Variants in DNAAF11 observed in about 807,000 individuals in gnomAD.
DNAAF11 encodes the protein dynein axonemal assembly factor 11, also known as leucine rich repeat containing 6.
In DNAAF11, 45 loss-of-function variants were observed where a neutral mutation model predicts 60.8. That is an observed-to-expected ratio of 0.74 (90% confidence interval 0.58 to 0.95). DNAAF11 has a LOEUF of 0.95. Ranked by LOEUF, DNAAF11 falls within the 40% of genes least tolerant of loss-of-function variation. The pLI is 0.00. For synonymous variants in DNAAF11, 191 were observed against 183.5 expected (o/e 1.04, Z -0.33); for missense variants, 546 against 546.2 (o/e 1.00, Z 0.00).
chr8:132,578,232 T>C (rs1408546160), intron 11 of DNAAF11, among the ~76,000 whole-genome samples: 1 of 152,158 alleles, frequency 6.6e-6, no homozygotes, highest in Non-Finnish European at 1.5e-5. Context: ...TGAACTTAGC[T>C]AGTACATTGT....
At position 132,607,365 on chromosome 8, in the gene DNAAF11, C is replaced by T. The variant is rs116697122; in HGVS notation, c.1140+2801G>A. On this transcript the variant is annotated intron_variant, in intron 10 of 11. Transcript: ENST00000620350. The stretch of plus-strand genomic sequence containing the variant: ...ATTACAGCAATCTGTAGTATGCCAT[C>T]GACCCAGTGGTGAGTGTTGGGAAGC... Among the ~76,000 whole-genome samples, 628 of 152,232 alleles carry T rather than the reference C, an allele frequency of 4.1e-3. 2 individuals are homozygous for T. The highest frequency in any genetic ancestry group is 0.014 in the African/African-American group (592 of 41,532).
At chr8:132,646,146 A>C (rs1354655441) in intron 3 of DNAAF11, among the ~76,000 whole-genome samples, 2 of 152,218 alleles carry the variant, frequency 1.3e-5, no homozygotes, top group Non-Finnish European at 2.9e-5. Context: ...TCTCAGTAGA[A>C]ACTCTACAAG....
intron 10 of DNAAF11, among the ~76,000 whole-genome samples, chr8:132,584,281 C>T (rs1439390880): frequency 6.6e-6 from 1 of 152,122 alleles, no homozygotes; most frequent in African/African-American, 2.4e-5. Context: ...TCCTATAATT[C>T]TAATACTTTT....
At chr8:132,658,654 G>A (rs898256199) in intron 2 of DNAAF11, among the ~76,000 whole-genome samples, 1 of 152,186 alleles carries the variant, frequency 6.6e-6, no homozygotes, top group African/African-American at 2.4e-5. Flanking sequence ...AGAACTATGA[G>A]AGTCTCGTCC....
At chr8:132,663,073 T>G (rs925834759) in intron 1 of DNAAF11, among the ~76,000 whole-genome samples, 9 of 152,208 alleles carry the variant, frequency 5.9e-5, no homozygotes, top group Admixed American at 4.6e-4. Flanking sequence ...AAGTCCTTGC[T>G]GCTCTAAGCT....
chr8:132,688,844 A>G, the DNAAF11 span, among the ~76,000 whole-genome samples: 4 of 152,204 alleles, frequency 2.6e-5, no homozygotes, highest in African/African-American at 4.8e-5. Context: ...ACTAACTTGC[A>G]ACTGACAGAT....
At chr8:132,606,005 T>C (rs1387863933) in intron 10 of DNAAF11, among the ~76,000 whole-genome samples, 2 of 151,836 alleles carry the variant, frequency 1.3e-5, no homozygotes, top group Non-Finnish European at 2.9e-5. Flanking sequence ...ATGGGAAGAG[T>C]AACTTGGTCT....
chr8:132,630,967 T>C (rs889127572), intron 5 of DNAAF11, among the ~76,000 whole-genome samples: 1 of 152,216 alleles, frequency 6.6e-6, no homozygotes, highest in Admixed American at 6.5e-5. Flanking sequence ...GAAAACAATT[T>C]GGCAATATGT....
chr8:132,667,795 T>C (rs1824777749), intron 1 of DNAAF11, among the ~76,000 whole-genome samples: 1 of 152,124 alleles, frequency 6.6e-6, no homozygotes, highest in Admixed American at 6.5e-5. Context: ...TTCTCCAAAA[T>C]TTGAGGCTGT....
rs575229429 is a variant in DNAAF11 at position 132,637,426 on chromosome 8, T to C, written c.429+509A>G. On this transcript the variant is annotated intron_variant, in intron 4 of 11. Transcript: ENST00000620350. ...TTCAAGACCAGCCTGGCCAACATGG[T>C]GAAACCACATCTCTACTAAAAATAC... Among the ~76,000 whole-genome samples the C allele has an allele frequency of 1.0e-3, 157 of 152,134 alleles. 1 individual carries two copies. Among genetic ancestry groups the C allele is most frequent in the Non-Finnish European group, 1.8e-3 (122 of 68,004 alleles).
intron 1 of DNAAF11, among the ~76,000 whole-genome samples, chr8:132,668,033 T>C (rs549363177): frequency 6.6e-6 from 1 of 152,256 alleles, no homozygotes; most frequent in African/African-American, 2.4e-5. Flanking sequence ...TCAACTAATA[T>C]GTATTTATTG....
rs752491424 is a variant in DNAAF11, at chr8:132,625,252, C to G, written c.836+20G>C. ...TGATAAGTGGCTACTGCTTCCCTCT[C>G]CTAGGAAAGAATGAAATACCTTAAT... is the stretch of plus-strand genomic sequence containing the variant. On this transcript the variant is annotated intron_variant, in intron 6 of 11. Transcript: ENST00000620350. 3.2e-6 allele frequency: 5 copies of G among 1,570,222 alleles called. No individual in the cohort carries two copies. Among genetic ancestry groups the G allele is most frequent in the Non-Finnish European group, 4.3e-6 (5 of 1,155,842 alleles).
chr8:132,700,756 C>G, the DNAAF11 span, among the ~76,000 whole-genome samples: 1 of 152,064 alleles, frequency 6.6e-6, no homozygotes, highest in Non-Finnish European at 1.5e-5. Flanking sequence ...TCCATCGTCC[C>G]CAAGGTTTGG....
chr8:132,622,515 A>G (rs1819860245), intron 7 of DNAAF11, 96 bp downstream of exon 7: 2 of 890,588 alleles, frequency 2.2e-6, no homozygotes, highest in Non-Finnish European at 3.6e-6. Flanking sequence ...AGTCAGAAAT[A>G]TTCTTTGCAG....
At chr8:132,692,218 A>G in the DNAAF11 span, among the ~76,000 whole-genome samples, 1 of 152,272 alleles carries the variant, frequency 6.6e-6, no homozygotes, top group South Asian at 2.1e-4. Context: ...TAGAGAGCCA[A>G]CAGGGCTTCC....
intron 10 of DNAAF11, among the ~76,000 whole-genome samples, chr8:132,598,883 T>G (rs1268498116): frequency 1.3e-5 from 2 of 151,960 alleles, no homozygotes; most frequent in African/African-American, 4.8e-5. Context: ...CAAGAGCAAA[T>G]GCATTCAAAA....
the DNAAF11 span, among the ~76,000 whole-genome samples, chr8:132,700,080 G>T: frequency 3.3e-3 from 498 of 152,240 alleles, no homozygotes; most frequent in African/African-American, 0.011. Flanking sequence ...ACGCTGAATT[G>T]TATACCTTGA....
the DNAAF11 span, among the ~76,000 whole-genome samples, chr8:132,700,002 T>A: frequency 6.6e-6 from 1 of 152,106 alleles, no homozygotes. Context: ...AAAAATGTCT[T>A]GGAACTTGAT....
chr8:132,571,491 G>A lies in DNAAF11; in HGVS notation c.*815C>T, dbSNP rs111911833. On this transcript the variant is annotated 3_prime_UTR_variant, in exon 12 of 12. Transcript: ENST00000620350. ...AATAGAGGAGAAGGAGTGGGATGGGGAGTAAAAAGGTGAAGAAAAAGAATA... is the reference window on the plus strand; with the variant it reads ...AATAGAGGAGAAGGAGTGGGATGGGAAGTAAAAAGGTGAAGAAAAAGAATA... Among the ~76,000 whole-genome samples the A allele has an allele frequency of 3.3e-3, 507 of 152,062 alleles. 4 individuals are homozygous for A. The highest frequency in any genetic ancestry group is 0.012 in the African/African-American group (485 of 41,460).
Sources: allele counts gnomAD v4.1 joint callset (sites outside exome capture counted in the v4.1 genomes callset), GRCh38; gene constraint gnomAD v4.1.1; transcripts MANE v1.5; gene names NCBI Gene and HGNC (gene_info 2026-07-23, HGNC 2026-07-21).